DNAH8: variants seen among roughly 807,000 people sequenced by gnomAD.
DNAH8 encodes the protein dynein axonemal heavy chain 8, also known as axonemal beta dynein heavy chain 8.
Under a neutral mutation model 562.1 loss-of-function variants are expected in DNAH8, and 382 were observed. That is an observed-to-expected ratio of 0.68 (90% CI 0.63 to 0.74). The LOEUF is 0.74. Ranked by LOEUF, DNAH8 falls within the 30% of genes least tolerant of loss-of-function variation. DNAH8 has a pLI of 0.00. For synonymous variants in DNAH8, 1,881 were observed against 1,919.4 expected, an observed-to-expected ratio of 0.98 and a Z score of 0.52; for missense variants, 5,203 against 5,620.4, an observed-to-expected ratio of 0.93 and a Z score of 2.37.
chr6:38,854,830 G>GTA (rs144448046), intron 41 of DNAH8, among the ~76,000 whole-genome samples: 3,942 of 149,832 alleles, frequency 0.026, 185 homozygotes, highest in African/African-American at 0.089. Flanking sequence ...GTGTATGTGT[G>GTA]TATATATATA....
Position 38,755,661 on chromosome 6 carries a change from C to A in DNAH8, c.1408-311C>A, listed in dbSNP as rs570261886. 1.2e-3 allele frequency among the ~76,000 whole-genome samples: 189 copies of A among 152,252 alleles called. 1 individual carries two copies. The highest frequency in any genetic ancestry group is 4.2e-3 in the African/African-American group (175 of 41,574). Reference sequence around the variant, plus strand: ...CTATTAACCTTAAAATGGCTCTCACCTCTAAAATTTAATTTTAGATAAACT... The same window carrying A: ...CTATTAACCTTAAAATGGCTCTCACATCTAAAATTTAATTTTAGATAAACT... On this transcript the variant is annotated intron_variant, in intron 9 of 92. Coordinates refer to ENST00000327475, the MANE Select transcript of DNAH8 (RefSeq NM_001206927.2).
intron 85 of DNAH8, among the ~76,000 whole-genome samples, chr6:38,979,559 C>T (rs1242185042): frequency 6.6e-6 from 1 of 151,952 alleles, no homozygotes; most frequent in African/African-American, 2.4e-5. Context: ...GAAAAGGCAC[C>T]CACTAAGATT....
chr6:38,838,590 G>A (rs1283632808), intron 33 of DNAH8, among the ~76,000 whole-genome samples: 3 of 151,774 alleles, frequency 2.0e-5, no homozygotes, highest in Non-Finnish European at 2.9e-5. Context: ...TAGTAGAGAC[G>A]GGGTTTCACC....
At chr6:38,826,450 A>G in intron 29 of DNAH8, 59 bp downstream of exon 29, 1 of 1,025,488 alleles carries the variant, frequency 9.8e-7, no homozygotes, top group South Asian at 1.5e-5. Flanking sequence ...AAAGAAATAG[A>G]GACACACTAA....
At chr6:38,812,147 G>A (rs562973967) in intron 24 of DNAH8, among the ~76,000 whole-genome samples, 1 of 152,228 alleles carries the variant, frequency 6.6e-6, no homozygotes, top group South Asian at 2.1e-4. Flanking sequence ...CCCTCATTGA[G>A]TCCTGTCCAT....
At chr6:39,011,333 C>T (rs1011362245) in intron 89 of DNAH8, among the ~76,000 whole-genome samples, 2 of 152,214 alleles carry the variant, frequency 1.3e-5, no homozygotes, top group Non-Finnish European at 2.9e-5. Flanking sequence ...GAGAATCCTG[C>T]AGTTCCTGGC....
chr6:38,878,870 AT>A (rs1488934892), intron 53 of DNAH8, among the ~76,000 whole-genome samples: 4 of 152,230 alleles, frequency 2.6e-5, no homozygotes, highest in Non-Finnish European at 4.4e-5. Flanking sequence ...ACACAAAAAA[AT>A]GATAAGCATT....
chr6:38,879,209 T>C (rs9369089), intron 53 of DNAH8, among the ~76,000 whole-genome samples: 65,835 of 151,726 alleles, frequency 0.43, 15,203 homozygotes, highest in East Asian at 0.84. Flanking sequence ...AGATATAAAA[T>C]GTACAATAGG....
chr6:38,761,079 T>C (rs1766453104), intron 10 of DNAH8, among the ~76,000 whole-genome samples: 1 of 150,596 alleles, frequency 6.6e-6, no homozygotes, highest in African/African-American at 2.4e-5. Flanking sequence ...TTTTTTTGGA[T>C]TGTATTTTAT....
At position 39,008,966 on chromosome 6, in the gene DNAH8, A is replaced by G. The variant is rs572567288; in HGVS notation, c.13367A>G (p.His4456Arg). The change falls in exon 89 of 93, where the codon CAT becomes CGT. Residue 4456 changes from histidine to arginine, a missense_variant. By Grantham distance (29) the His-to-Arg change is conservative. This residue lies in a region of DNAH8 where 1,399 missense variants were observed against 1,518.4 expected (regional missense o/e 0.92). Transcript: ENST00000327475. ...AAACTCCCTCCTGATTACATTCCTCATGAGGTAAGTCTTGCTGGTTTCCCA... is the reference window on the plus strand; with the variant it reads ...AAACTCCCTCCTGATTACATTCCTCGTGAGGTAAGTCTTGCTGGTTTCCCA... ...LSKLPPDYIP[H>R]EVKSRLIKMG... The G allele has an allele frequency of 1.1e-5, 17 of 1,606,600 alleles. No homozygotes were observed. In the South Asian group the frequency reaches 1.5e-4, roughly 15 times the overall value.
At chr6:38,870,675 A>T in intron 49 of DNAH8, 113 bp downstream of exon 49, 1 of 1,051,030 alleles carries the variant, frequency 9.5e-7, no homozygotes, top group Non-Finnish European at 1.4e-6. Context: ...AAATGAAAAC[A>T]TCATATATAC....
intron 36 of DNAH8, among the ~76,000 whole-genome samples, chr6:38,848,396 CA>C (rs2150382602): frequency 6.6e-6 from 1 of 152,220 alleles, no homozygotes; most frequent in South Asian, 2.1e-4. Context: ...ACCTATGCAC[CA>C]TAAAACTAGG....
At chr6:38,968,790 C>T (rs189788924) in intron 82 of DNAH8, among the ~76,000 whole-genome samples, 48 of 152,076 alleles carry the variant, frequency 3.2e-4, no homozygotes, top group Non-Finnish European at 5.4e-4. Flanking sequence ...AAGTATATAC[C>T]CCCAAAAAAC....
At chr6:38,939,632 A>C (rs1783270675) in intron 79 of DNAH8, among the ~76,000 whole-genome samples, 1 of 152,232 alleles carries the variant, frequency 6.6e-6, no homozygotes, top group African/African-American at 2.4e-5. Context: ...GCTAAGAAAC[A>C]AGTGTTGAGT....
At chr6:38,815,779 T>G in intron 26 of DNAH8, 122 bp downstream of exon 26, 1 of 970,486 alleles carries the variant, frequency 1.0e-6, no homozygotes, top group Non-Finnish European at 1.5e-6. Context: ...TGTTTCATCT[T>G]AAACATAACG....
chr6:38,909,316 A>G (rs1300444375), intron 64 of DNAH8, among the ~76,000 whole-genome samples: 1 of 152,208 alleles, frequency 6.6e-6, no homozygotes, highest in Non-Finnish European at 1.5e-5. Flanking sequence ...GCAATAATGT[A>G]GATGTAGTCC....
At chr6:38,829,824 A>G (rs902800359) in intron 30 of DNAH8, among the ~76,000 whole-genome samples, 8 of 152,364 alleles carry the variant, frequency 5.3e-5, no homozygotes, top group Middle Eastern at 3.4e-3. Context: ...AGTGTTAAGT[A>G]TATTCACATT....
chr6:38,769,497 T>A (rs1449560451), intron 11 of DNAH8, among the ~76,000 whole-genome samples: 1 of 148,890 alleles, frequency 6.7e-6, no homozygotes, highest in Non-Finnish European at 1.5e-5. Context: ...CAGATCTGAA[T>A]ATTTATAGGA....
At chr6:38,785,828 G>A (rs563150084) in intron 17 of DNAH8, among the ~76,000 whole-genome samples, 19 of 152,292 alleles carry the variant, frequency 1.2e-4, no homozygotes, top group African/African-American at 4.1e-4. Context: ...CATTTAGCTT[G>A]AAAACCTGCA....
Sources: gnomAD v4.1 joint callset for allele counts (sites outside exome capture counted in the v4.1 genomes callset) on GRCh38, gnomAD v4.1.1 for gene constraint, gnomAD v4.1.1 regional missense constraint, MANE v1.5 for transcripts, NCBI Gene and HGNC (gene_info 2026-07-23, HGNC 2026-07-21) for gene names.